CAMK1D: variants seen among roughly 807,000 people sequenced by gnomAD.
The protein encoded by CAMK1D is calcium/calmodulin dependent protein kinase ID, also known as calcium/calmodulin-dependent protein kinase type 1D.
CAMK1D carries 9 observed loss-of-function variants against 47.7 expected under a neutral mutation model. The observed-to-expected ratio is 0.19, with a 90% CI of 0.11 to 0.33. The LOEUF is 0.33. CAMK1D is among the 10% of genes least tolerant of loss of function. The pLI is 1.00. For synonymous variants in CAMK1D, 184 were observed against 184.9 expected (o/e 0.99, Z 0.04); for missense variants, 291 against 488.7 (o/e 0.60, Z 3.81).
rs189768581 is a variant in CAMK1D at position 12,394,759 on chromosome 10, A to T, written c.92+44849A>T. Among the ~76,000 whole-genome samples, 371 of 152,284 alleles carry T rather than the reference A, an allele frequency of 2.4e-3. 2 individuals are homozygous for T. The highest frequency in any genetic ancestry group is 8.0e-3 in the African/African-American group (331 of 41,568). ...AAAGGTCAGATCATGATGGGTTTTG[A>T]GTTCTAGGCTAAAGTGTTTATAGTG... On this transcript the variant is annotated intron_variant, in intron 1 of 10. Transcript: ENST00000619168.
intron 3 of CAMK1D, among the ~76,000 whole-genome samples, chr10:12,718,165 C>T (rs1041467897): frequency 1.3e-5 from 2 of 152,096 alleles, no homozygotes; most frequent in East Asian, 1.9e-4. Flanking sequence ...TTCAGCAAGC[C>T]GTTGACTCAT....
intron 1 of CAMK1D, among the ~76,000 whole-genome samples, chr10:12,357,234 C>T (rs1837545653): frequency 6.6e-6 from 1 of 152,008 alleles, no homozygotes; most frequent in South Asian, 2.1e-4. Context: ...CGCAGTGGTC[C>T]AGTCTCGGCT....
At chr10:12,675,826 T>G (rs1220602489) in intron 3 of CAMK1D, among the ~76,000 whole-genome samples, 2 of 152,210 alleles carry the variant, frequency 1.3e-5, no homozygotes, top group Non-Finnish European at 2.9e-5. Context: ...CTTTCTTTCG[T>G]TCAGCTGCAG....
chr10:12,618,246 AT>A (rs557149838), intron 2 of CAMK1D, among the ~76,000 whole-genome samples: 73 of 150,016 alleles, frequency 4.9e-4, no homozygotes, highest in African/African-American at 1.6e-3. Flanking sequence ...CATCCTCCTA[AT>A]TTTTTTTTTC....
chr10:12,427,774 C>T (rs1159712490), intron 1 of CAMK1D, among the ~76,000 whole-genome samples: 1 of 124,310 alleles, frequency 8.0e-6, no homozygotes, highest in African/African-American at 3.1e-5. Flanking sequence ...GTGGCATGAC[C>T]TTGGCTCACC....
intron 1 of CAMK1D, among the ~76,000 whole-genome samples, chr10:12,394,272 A>G (rs574480801): frequency 6.6e-6 from 1 of 151,978 alleles, no homozygotes; most frequent in Admixed American, 6.6e-5. Context: ...CGGGTGCCCC[A>G]CCTCCCTCAT....
chr10:12,795,119 C>T (rs58967458), intron 6 of CAMK1D, among the ~76,000 whole-genome samples: 1 of 152,136 alleles, frequency 6.6e-6, no homozygotes, highest in East Asian at 1.9e-4. Context: ...TCACAGAATG[C>T]AGTGGTCATT....
chr10:12,465,901 C>T (rs1833575311), intron 1 of CAMK1D, among the ~76,000 whole-genome samples: 1 of 152,070 alleles, frequency 6.6e-6, no homozygotes, highest in South Asian at 2.1e-4. Flanking sequence ...TGCTGCCTGC[C>T]CACTGCTAGA....
Position 12,538,214 on chromosome 10 carries a change from G to C in CAMK1D, c.93-15011G>C, listed in dbSNP as rs377510179. Among the ~76,000 whole-genome samples, 408 of 152,310 alleles carry C rather than the reference G, an allele frequency of 2.7e-3. 4 individuals are homozygous for C. In the Middle Eastern group the frequency reaches 0.041, roughly 15 times the overall value. On this transcript the variant is annotated intron_variant, in intron 1 of 10. Transcript: ENST00000619168. Reference sequence around the variant, plus strand: ...CTTGGTATTTTTGTTTCAAAATCCAGTAAAGAAACATGGTCCGTATCATTG... The same window carrying C: ...CTTGGTATTTTTGTTTCAAAATCCACTAAAGAAACATGGTCCGTATCATTG...
At chr10:12,767,935 C>T (rs1040559207) in intron 4 of CAMK1D, among the ~76,000 whole-genome samples, 1 of 152,246 alleles carries the variant, frequency 6.6e-6, no homozygotes, top group East Asian at 1.9e-4. Flanking sequence ...TGCAATGGCG[C>T]GATCTTGGCT....
chr10:12,532,498 C>G (rs1388907440), intron 1 of CAMK1D, among the ~76,000 whole-genome samples: 1 of 152,170 alleles, frequency 6.6e-6, no homozygotes, highest in African/African-American at 2.4e-5. Flanking sequence ...CCGGGATGGT[C>G]TCGATCTCCT....
chr10:12,807,930 C>T (rs766397255), intron 6 of CAMK1D, among the ~76,000 whole-genome samples: 2 of 152,236 alleles, frequency 1.3e-5, no homozygotes, highest in African/African-American at 2.4e-5. Context: ...TCAGGGGCTT[C>T]CTTCTACCTG....
At chr10:12,405,269 G>A (rs1218760006) in intron 1 of CAMK1D, among the ~76,000 whole-genome samples, 10 of 152,176 alleles carry the variant, frequency 6.6e-5, no homozygotes, top group African/African-American at 2.4e-4. Flanking sequence ...CAGACCTAAA[G>A]CGTTTAAGTT....
chr10:12,668,946 C>T (rs1160038480), intron 3 of CAMK1D, among the ~76,000 whole-genome samples: 2 of 151,992 alleles, frequency 1.3e-5, no homozygotes, highest in African/African-American at 4.8e-5. Flanking sequence ...AACAAAACCT[C>T]ATTGGCCCGG....
chr10:12,437,436 C>A (rs1194707875), intron 1 of CAMK1D, among the ~76,000 whole-genome samples: 9 of 152,178 alleles, frequency 5.9e-5, no homozygotes, highest in Non-Finnish European at 1.3e-4. Context: ...CTTAGGTGAT[C>A]CACCCGCCTT....
chr10:12,562,346 G>A (rs929705173), intron 2 of CAMK1D, among the ~76,000 whole-genome samples: 4 of 152,154 alleles, frequency 2.6e-5, no homozygotes, highest in Non-Finnish European at 5.9e-5. Context: ...ACAATTCCTA[G>A]CACTGCTGCA....
At chr10:12,588,569 A>T (rs1171260146) in intron 2 of CAMK1D, among the ~76,000 whole-genome samples, 1 of 151,978 alleles carries the variant, frequency 6.6e-6, no homozygotes, top group Non-Finnish European at 1.5e-5. Flanking sequence ...GTCTCCAGGA[A>T]CTTTCTGTTC....
chr10:12,366,753 G>C lies in CAMK1D; in HGVS notation c.92+16843G>C, dbSNP rs372661391. Among the ~76,000 whole-genome samples, 38 of 152,230 alleles carry C rather than the reference G, an allele frequency of 2.5e-4. No individual in the cohort carries two copies. The East Asian group carries it at 5.8e-3, about 23-fold the overall frequency. On this transcript the variant is annotated intron_variant, in intron 1 of 10. Transcript: ENST00000619168. ...GGCAGATCTAGGGAGAGACCCCAGA[G>C]ATTAGTGGTGGAGCTGGACCTGTGG...
chr10:12,511,236 A>G (rs573183040), intron 1 of CAMK1D, among the ~76,000 whole-genome samples: 192 of 152,252 alleles, frequency 1.3e-3, no homozygotes, highest in African/African-American at 4.5e-3. Flanking sequence ...GTTACTGCTG[A>G]CCTGGTAGGG....
Sources: allele counts gnomAD v4.1 joint callset (sites outside exome capture counted in the v4.1 genomes callset), GRCh38; gene constraint gnomAD v4.1.1; transcripts MANE v1.5; gene names NCBI Gene and HGNC (gene_info 2026-07-23, HGNC 2026-07-21).